ANK3: variants seen among roughly 807,000 people sequenced by gnomAD.
ANK3 encodes the protein ankyrin 3.
ANK3 carries 57 observed loss-of-function variants against 370.9 expected under a neutral mutation model. The observed-to-expected ratio is 0.15, with a 90% CI of 0.12 to 0.19. The LOEUF is 0.19. ANK3 is among the 10% of genes least tolerant of loss of function. The pLI is 1.00. For synonymous variants in ANK3, 1,929 were observed against 1,946.3 expected (o/e 0.99, Z 0.23); for missense variants, 4,439 against 5,302.1 (o/e 0.84, Z 5.06).
intron 2 of ANK3, among the ~76,000 whole-genome samples, chr10:60,567,185 G>A (rs2077483707): frequency 6.6e-6 from 1 of 152,174 alleles, no homozygotes; most frequent in South Asian, 2.1e-4. Flanking sequence ...TGTAGTGGGA[G>A]AAGATCCTAC....
intron 1 of ANK3, among the ~76,000 whole-genome samples, chr10:60,345,099 A>G (rs1301605642): frequency 6.6e-6 from 1 of 152,000 alleles, no homozygotes; most frequent in East Asian, 1.9e-4. Context: ...TGTGAAACAA[A>G]GCCCAACTAA....
intron 36 of ANK3, 81 bp downstream of exon 36, chr10:60,080,456 T>G (rs771506960): frequency 3.8e-5 from 47 of 1,232,342 alleles, no homozygotes; most frequent in Middle Eastern, 3.8e-4. Context: ...AGTTTCCAAA[T>G]GATAAAATTT....
chr10:60,561,181 G>A (rs79669408), intron 2 of ANK3, among the ~76,000 whole-genome samples: 4 of 152,174 alleles, frequency 2.6e-5, no homozygotes, highest in Admixed American at 2.0e-4. Context: ...TTTTCACTAA[G>A]TACACACAAA....
At chr10:60,429,465 A>G (rs974273945) in intron 2 of ANK3, among the ~76,000 whole-genome samples, 3 of 152,248 alleles carry the variant, frequency 2.0e-5, no homozygotes, top group African/African-American at 7.2e-5. Flanking sequence ...TTTTCTCTAA[A>G]AAGCCTTTAC....
At chr10:60,305,855 G>A (rs1470291996) in intron 1 of ANK3, among the ~76,000 whole-genome samples, 1 of 152,204 alleles carries the variant, frequency 6.6e-6, no homozygotes, top group Non-Finnish European at 1.5e-5. Flanking sequence ...GGAGGCTGGT[G>A]GAGCCTGAGC....
At chr10:60,242,574 GAAGAC>G (rs1471798033) in intron 7 of ANK3, among the ~76,000 whole-genome samples, 1 of 152,090 alleles carries the variant, frequency 6.6e-6, no homozygotes, top group Non-Finnish European at 1.5e-5. Flanking sequence ...TCAGGAATGA[GAAGAC>G]AAGGCCCCAC....
At chr10:60,286,136 C>A (rs181658480) in intron 1 of ANK3, among the ~76,000 whole-genome samples, 1 of 152,254 alleles carries the variant, frequency 6.6e-6, no homozygotes, top group African/African-American at 2.4e-5. Flanking sequence ...CTTTTCAGCT[C>A]AAGAATGCAA....
intron 2 of ANK3, among the ~76,000 whole-genome samples, chr10:60,536,993 A>C (rs1051957761): frequency 2.0e-5 from 3 of 152,088 alleles, no homozygotes; most frequent in African/African-American, 7.2e-5. Context: ...CAGCAGAAGC[A>C]TTAACCTAAA....
At chr10:60,287,345 C>T (rs1337391602) in intron 1 of ANK3, among the ~76,000 whole-genome samples, 1 of 152,134 alleles carries the variant, frequency 6.6e-6, no homozygotes, top group Non-Finnish European at 1.5e-5. Flanking sequence ...CCTCATTCAT[C>T]CTTCTCCCTG....
At chr10:60,317,628 A>T (rs2047715798) in intron 1 of ANK3, among the ~76,000 whole-genome samples, 1 of 152,198 alleles carries the variant, frequency 6.6e-6, no homozygotes. Flanking sequence ...TCCATCTGAC[A>T]AATGAGAAAA....
chr10:60,554,886 C>T (rs1567141905), intron 2 of ANK3, among the ~76,000 whole-genome samples: 1 of 151,906 alleles, frequency 6.6e-6, no homozygotes, highest in South Asian at 2.1e-4. Flanking sequence ...TACTGTGTCA[C>T]GTAAGACCCT....
rs551039794 is a variant in ANK3, at chr10:60,261,783, C to T, written c.798+76G>A. 1.2e-4 allele frequency: 155 copies of T among 1,347,688 alleles called. 2 individuals are homozygous for T. The highest frequency in any genetic ancestry group is 4.0e-4 in the South Asian group (32 of 80,808). The allele number at this position is 1,347,688 out of a possible 1,614,324, so 83.5% of individuals were successfully genotyped here. ...GACTCTTGGAGAAAATTTGTCCCAA[C>T]ATCCTCATGTTGGGGAAAGAGAGTA... On this transcript the variant is annotated intron_variant, in intron 7 of 43. Transcript: ENST00000280772.
chr10:60,724,725 A>C (rs887745663), intron 1 of ANK3, among the ~76,000 whole-genome samples: 1 of 152,222 alleles, frequency 6.6e-6, no homozygotes, highest in Non-Finnish European at 1.5e-5. Flanking sequence ...AAAAAGAAAA[A>C]GATATTCCTC....
chr10:60,261,683 G>A (rs1341277249), intron 7 of ANK3, among the ~76,000 whole-genome samples, 176 bp downstream of exon 7: 1 of 152,116 alleles, frequency 6.6e-6, no homozygotes. Flanking sequence ...CTCCTGCTAG[G>A]AAACAGGCAC....
At chr10:60,496,999 G>GA (rs1487223058) in intron 2 of ANK3, among the ~76,000 whole-genome samples, 5 of 152,014 alleles carry the variant, frequency 3.3e-5, no homozygotes, top group Non-Finnish European at 5.9e-5. Flanking sequence ...ATCAGTTTTA[G>GA]AAAAAAACAA....
intron 2 of ANK3, among the ~76,000 whole-genome samples, chr10:60,397,821 G>A (rs1435179453): frequency 1.3e-5 from 2 of 152,116 alleles, no homozygotes; most frequent in African/African-American, 2.4e-5. Context: ...GGAATATAAG[G>A]TCCTATGTTT....
At chr10:60,222,422 T>TA (rs34886163) in intron 8 of ANK3, among the ~76,000 whole-genome samples, 71,795 of 144,730 alleles carry the variant, frequency 0.5, 18,657 homozygotes, top group East Asian at 0.78. Flanking sequence ...TTAATTCAGT[T>TA]AAAAAAAAAA....
At chr10:60,688,155 T>G (rs560700391) in intron 1 of ANK3, among the ~76,000 whole-genome samples, 1 of 152,264 alleles carries the variant, frequency 6.6e-6, no homozygotes, top group African/African-American at 2.4e-5. Context: ...CTGCAACCTC[T>G]GCCTGCCAGG....
chr10:60,382,178 T>C (rs2061633404), intron 1 of ANK3, among the ~76,000 whole-genome samples: 1 of 152,122 alleles, frequency 6.6e-6, no homozygotes, highest in Admixed American at 6.6e-5. Flanking sequence ...ACCTACAAAA[T>C]CTTGAACTTC....
Sources: gnomAD v4.1 joint callset for allele counts (sites outside exome capture counted in the v4.1 genomes callset) on GRCh38, gnomAD v4.1.1 for gene constraint, MANE v1.5 for transcripts, NCBI Gene and HGNC (gene_info 2026-07-23, HGNC 2026-07-21) for gene names.